Variants in RERE observed in about 807,000 individuals in gnomAD.
RERE encodes the protein arginine-glutamic acid dipeptide repeats.
Under a neutral mutation model 146.1 loss-of-function variants are expected in RERE, and 40 were observed. The observed-to-expected ratio is 0.27, with a 90% CI of 0.21 to 0.36. The LOEUF (loss-of-function observed/expected upper bound fraction) is 0.36. Among genes scored for constraint, RERE ranks in the 10% least tolerant of loss-of-function variants. The pLI is 1.00. For synonymous variants in RERE, 1,003 were observed against 866.0 expected, an observed-to-expected ratio of 1.16 and a Z score of -2.78; for missense variants, 1,933 against 2,138.7, an observed-to-expected ratio of 0.90 and a Z score of 1.90.
At chr1:8,606,154 C>A (rs1646706314) in intron 4 of RERE, among the ~76,000 whole-genome samples, 1 of 152,066 alleles carries the variant, frequency 6.6e-6, no homozygotes, top group Non-Finnish European at 1.5e-5. Context: ...AAGCTAGTAT[C>A]CAACTATTTT....
intron 1 of RERE, among the ~76,000 whole-genome samples, chr1:8,687,058 A>C (rs147657409): frequency 1.3e-5 from 2 of 152,344 alleles, no homozygotes; most frequent in African/African-American, 4.8e-5. Flanking sequence ...CTGCAAAGGA[A>C]GCAGAGAAAT....
chr1:8,676,654 GC>G (rs1191660128), intron 1 of RERE, among the ~76,000 whole-genome samples: 1 of 152,152 alleles, frequency 6.6e-6, no homozygotes, highest in African/African-American at 2.4e-5. Context: ...CCCTCAATGA[GC>G]CCTCATCACA....
In RERE at chr1:8,774,963, T is replaced by C. The variant is rs1391896007; in HGVS notation, c.-145+42197A>G. Among the ~76,000 whole-genome samples the C allele has an allele frequency of 1.4e-4, 19 of 133,592 alleles. 1 individual carries two copies. The highest frequency in any genetic ancestry group is 2.5e-4 in the South Asian group (1 of 3,966). 87.6% of individuals were successfully genotyped at this position (133,592 alleles called of 152,430 possible). On this transcript the variant is annotated intron_variant, in intron 1 of 22. Transcript: ENST00000400908. ...TTCTTCTTTCTTTCTTTTTTTTTTT[T>C]TTTTTTTTTTTTTTTTTTGAAACAG...
At chr1:8,718,444 A>G (rs1298826507) in intron 1 of RERE, among the ~76,000 whole-genome samples, 1 of 152,260 alleles carries the variant, frequency 6.6e-6, no homozygotes, top group African/African-American at 2.4e-5. Context: ...AATGCCTTCT[A>G]TTTCATGAGA....
At chr1:8,464,572 C>A (rs112914397) in intron 11 of RERE, among the ~76,000 whole-genome samples, 22 of 152,310 alleles carry the variant, frequency 1.4e-4, no homozygotes, top group African/African-American at 5.3e-4. Flanking sequence ...CACACCTGAT[C>A]TGCTCCCTCT....
intron 1 of RERE, among the ~76,000 whole-genome samples, chr1:8,688,745 T>C (rs1570610779): frequency 6.6e-6 from 1 of 152,188 alleles, no homozygotes; most frequent in East Asian, 1.9e-4. Context: ...CACTCATACA[T>C]ATATACCATG....
At chr1:8,417,577 C>T (rs560413490) in intron 12 of RERE, among the ~76,000 whole-genome samples, 5 of 152,284 alleles carry the variant, frequency 3.3e-5, no homozygotes, top group African/African-American at 1.2e-4. Context: ...TTCCCATTAA[C>T]TTTGAACTTT....
At chr1:8,773,600 CG>C (rs767727158) in intron 1 of RERE, among the ~76,000 whole-genome samples, 2 of 152,178 alleles carry the variant, frequency 1.3e-5, no homozygotes, top group Non-Finnish European at 2.9e-5. Flanking sequence ...CCAGGGTGGG[CG>C]AATCACAAGG....
chr1:8,491,595 G>A (rs1266139937), intron 10 of RERE, among the ~76,000 whole-genome samples: 1 of 152,122 alleles, frequency 6.6e-6, no homozygotes. Context: ...TCCAGCCTGG[G>A]CAACAGAGCA....
intron 4 of RERE, among the ~76,000 whole-genome samples, chr1:8,568,689 T>C (rs539421294): frequency 2.0e-5 from 3 of 152,242 alleles, no homozygotes; most frequent in South Asian, 4.1e-4. Flanking sequence ...CTTCACAGCC[T>C]CCAGAACTAT....
intron 1 of RERE, among the ~76,000 whole-genome samples, chr1:8,686,260 GGTGTAAGCCACTGT>G (rs1639084275): frequency 6.6e-6 from 1 of 152,148 alleles, no homozygotes; most frequent in Admixed American, 6.6e-5. Context: ...TAGGATTACA[GGTGTAAGCCACTGT>G]GTCTAGCCTG....
chr1:8,358,375 C>T lies in RERE; in HGVS notation c.4160G>A (p.Arg1387Gln), dbSNP rs138193383. The change falls in exon 20 of 23, where the codon CGG becomes CAG. Residue 1387 changes from arginine to glutamine, a missense_variant. By Grantham distance (43) the Arg-to-Gln change is conservative. Transcript: ENST00000400908. ...ERLALAGPQL[R>Q]PEMSYPDRLA... is the part of the protein sequence containing the mutation. ...TCTGTCAGGGTAGCTCATCTCGGGC[C>T]GCAGCTGGGGGCCCGCCAGGGCCAG... is the stretch of plus-strand genomic sequence containing the variant. 34 of 1,609,166 alleles carry T rather than the reference C, an allele frequency of 2.1e-5. No individual in the cohort carries two copies. Among genetic ancestry groups the T allele is most frequent in the Admixed American group, 1.0e-4 (6 of 59,900 alleles).
intron 10 of RERE, among the ~76,000 whole-genome samples, chr1:8,480,472 G>A (rs1407806080): frequency 7.0e-6 from 1 of 142,506 alleles, no homozygotes; most frequent in East Asian, 2.1e-4. Flanking sequence ...GGCTTGCTCT[G>A]TTGCCCAGGC....
At chr1:8,816,521 CT>C (rs1440346826) in intron 1 of RERE, among the ~76,000 whole-genome samples, 1 of 152,184 alleles carries the variant, frequency 6.6e-6, no homozygotes, top group Non-Finnish European at 1.5e-5. Context: ...GCCTGCAACA[CT>C]TTTCCCCCCT....
chr1:8,685,940 T>C (rs1162975791), intron 1 of RERE, among the ~76,000 whole-genome samples: 1 of 151,794 alleles, frequency 6.6e-6, no homozygotes, highest in Non-Finnish European at 1.5e-5. Flanking sequence ...GGCAGCTAAG[T>C]AGGTCTGGAC....
At position 8,685,603 on chromosome 1, in the gene RERE, G is replaced by T. The variant is rs1262493503; in HGVS notation, c.-144-29162C>A. ...ACAAAAAAAATCAGCCGGGTGTGGT[G>T]GCACGCCCCTGTAGTCCCAGCTACT... On this transcript the variant is annotated intron_variant, in intron 1 of 22. Transcript: ENST00000400908. 2.0e-5 allele frequency among the ~76,000 whole-genome samples: 3 copies of T among 152,210 alleles called. No individual in the cohort carries two copies. The East Asian group carries it at 5.8e-4, about 29-fold the overall frequency.
intron 4 of RERE, among the ~76,000 whole-genome samples, chr1:8,601,281 G>GGGAT (rs1329480549): frequency 8.6e-5 from 13 of 151,956 alleles, no homozygotes; most frequent in African/African-American, 3.1e-4. Context: ...GCCTCCCAAA[G>GGGAT]TGCTGGGATT....
Position 8,614,675 on chromosome 1 carries a change from G to C in RERE, c.408C>G (p.Ser136=). Residue 136 remains serine, a synonymous_variant, in exon 4 of 23, where the codon TCC becomes TCG. Transcript: ENST00000400908. ...SIQDFKLVHN[S]QACCRSPTPA... ...GAGTTGGAGATCTGCAACAGGCCTG[G>C]GAGTTGTGGACCTAAAAAAGAAAAC... The C allele has an allele frequency of 6.2e-7, 1 of 1,609,536 alleles. No individual in the cohort carries two copies. Among genetic ancestry groups the C allele is most frequent in the Non-Finnish European group, 8.5e-7 (1 of 1,177,974 alleles).
chr1:8,443,570 G>A (rs1644280768), intron 11 of RERE, among the ~76,000 whole-genome samples: 2 of 151,956 alleles, frequency 1.3e-5, no homozygotes, highest in Admixed American at 6.6e-5. Flanking sequence ...GGAGCCAAGC[G>A]CTGATATCCA....
Sources: allele counts gnomAD v4.1 joint callset (sites outside exome capture counted in the v4.1 genomes callset), GRCh38; gene constraint gnomAD v4.1.1; transcripts MANE v1.5; gene names NCBI Gene and HGNC (gene_info 2026-07-23, HGNC 2026-07-21).